GRID2: variants seen among roughly 807,000 people sequenced by gnomAD.
The protein encoded by GRID2 is glutamate ionotropic receptor delta type subunit 2, also known as glutamate receptor ionotropic, delta-2.
In GRID2, 33 loss-of-function variants were observed where a neutral mutation model predicts 114.8. That is an observed-to-expected ratio of 0.29 (90% CI 0.22 to 0.38). The LOEUF is 0.38. GRID2 is among the 10% of genes least tolerant of loss of function. GRID2 has a pLI of 1.00. For missense variants in GRID2, 1,184 were observed against 1,257.7 expected (o/e 0.94, Z 0.89); for synonymous variants, 505 against 449.9 (o/e 1.12, Z -1.55).
At chr4:92,782,401 T>A (rs918293143) in intron 2 of GRID2, among the ~76,000 whole-genome samples, 3 of 152,118 alleles carry the variant, frequency 2.0e-5, no homozygotes, top group Non-Finnish European at 4.4e-5. Flanking sequence ...TTTTACAAAA[T>A]CAAGATGATT....
chr4:93,781,049 A>G (rs1734468864), intron 1 of GRID2, among the ~76,000 whole-genome samples: 1 of 152,230 alleles, frequency 6.6e-6, no homozygotes, highest in African/African-American at 2.4e-5. Context: ...AAGATGATCG[A>G]TTTCTCAAAT....
At position 93,163,397 on chromosome 4, in the gene GRID2, T is replaced by C. The variant is rs1185267957; in HGVS notation, c.736-44007T>C. On this transcript the variant is annotated intron_variant, in intron 4 of 15. Coordinates refer to ENST00000282020, the MANE Select transcript of GRID2 (RefSeq NM_001510.4). ...ATATATATATATATATATATATATA[T>C]ATACACTATATATATACATACATGT... Among the ~76,000 whole-genome samples, 343 of 40,574 alleles carry C rather than the reference T, an allele frequency of 8.5e-3. 6 individuals are homozygous for C. Among genetic ancestry groups the C allele is most frequent in the Admixed American group, 0.016 (35 of 2,240 alleles). 26.6% of individuals were successfully genotyped at this position (40,574 alleles called of 152,430 possible). A position where few individuals can be genotyped will look rare whatever the true frequency, so the allele number is the denominator to read the frequency against.
intron 8 of GRID2, among the ~76,000 whole-genome samples, chr4:93,389,296 A>G (rs992798831): frequency 6.6e-6 from 1 of 152,170 alleles, no homozygotes; most frequent in Non-Finnish European, 1.5e-5. Context: ...TAATAATTAA[A>G]TGCTAAAATA....
chr4:93,073,560 T>C (rs1412642764), intron 2 of GRID2, among the ~76,000 whole-genome samples: 4 of 152,020 alleles, frequency 2.6e-5, no homozygotes, highest in African/African-American at 9.7e-5. Context: ...ACTGTGGGGG[T>C]TGACACTTCT....
chr4:92,901,062 T>C lies in GRID2; in HGVS notation c.245-183933T>C, dbSNP rs547238649. Among the ~76,000 whole-genome samples the C allele has an allele frequency of 2.6e-5, 4 of 152,224 alleles. No homozygotes were observed. In the South Asian group the frequency reaches 8.3e-4, roughly 32 times the overall value. On this transcript the variant is annotated intron_variant, in intron 2 of 15. Transcript: ENST00000282020. ...GTGAATGCAGGTATATTTTATACAA[T>C]AATTTTTTTTAGCGGGGGGATTAGA...
intron 3 of GRID2, among the ~76,000 whole-genome samples, chr4:93,093,721 C>T (rs1397397976): frequency 6.6e-6 from 1 of 151,918 alleles, no homozygotes; most frequent in Non-Finnish European, 1.5e-5. Flanking sequence ...CCGACAAAGC[C>T]ATAGAAGTCT....
chr4:92,676,620 G>A (rs1323147777), intron 2 of GRID2, among the ~76,000 whole-genome samples: 1 of 152,004 alleles, frequency 6.6e-6, no homozygotes, highest in Non-Finnish European at 1.5e-5. Context: ...ACATTGCCAT[G>A]TCCTCTGTAA....
At chr4:93,005,578 A>G (rs1318262026) in intron 2 of GRID2, among the ~76,000 whole-genome samples, 1 of 152,124 alleles carries the variant, frequency 6.6e-6, no homozygotes, top group Non-Finnish European at 1.5e-5. Context: ...GAAAACAGGT[A>G]TGCAAATAAA....
chr4:92,886,657 G>A (rs1431064460), intron 2 of GRID2, among the ~76,000 whole-genome samples: 3 of 151,374 alleles, frequency 2.0e-5, no homozygotes, highest in Non-Finnish European at 4.4e-5. Flanking sequence ...ACGGAGTCTC[G>A]CTCTTTCGCC....
At chr4:92,646,767 G>A (rs1361368588) in intron 2 of GRID2, among the ~76,000 whole-genome samples, 6 of 152,148 alleles carry the variant, frequency 3.9e-5, no homozygotes, top group South Asian at 2.1e-4. Flanking sequence ...TTTTAAAATT[G>A]CACCCATTTT....
At chr4:92,617,795 TTA>T (rs1229298855) in intron 2 of GRID2, among the ~76,000 whole-genome samples, 4 of 151,818 alleles carry the variant, frequency 2.6e-5, no homozygotes, top group African/African-American at 9.7e-5. Flanking sequence ...TGCTAGACAT[TTA>T]TATGTCTTCT....
intron 8 of GRID2, among the ~76,000 whole-genome samples, chr4:93,239,292 T>G (rs2149513777): frequency 6.7e-6 from 1 of 150,022 alleles, no homozygotes; most frequent in South Asian, 2.1e-4. Context: ...AAATCATATG[T>G]ATATATACAC....
intron 9 of GRID2, 54 bp downstream of exon 9, chr4:93,395,762 T>C (rs945675274): frequency 9.1e-6 from 7 of 765,376 alleles, no homozygotes; most frequent in Non-Finnish European, 1.6e-5. Flanking sequence ...CTTTATCCTA[T>C]ATTTCTTTCT....
chr4:92,372,616 C>T (rs1560592274), intron 1 of GRID2, among the ~76,000 whole-genome samples: 1 of 152,072 alleles, frequency 6.6e-6, no homozygotes, highest in Non-Finnish European at 1.5e-5. Flanking sequence ...AAACCTAAAA[C>T]TTTGTGTGAC....
At chr4:92,743,997 AT>A (rs1340989587) in intron 2 of GRID2, among the ~76,000 whole-genome samples, 6 of 151,456 alleles carry the variant, frequency 4.0e-5, no homozygotes, top group South Asian at 2.1e-4. Context: ...TCCTTCACTT[AT>A]TTTTTTTCTT....
chr4:92,592,656 G>A (rs1395919553), intron 2 of GRID2, among the ~76,000 whole-genome samples: 1 of 152,076 alleles, frequency 6.6e-6, no homozygotes, highest in Non-Finnish European at 1.5e-5. Flanking sequence ...CAGTTTGCCT[G>A]ATGGTTTCTG....
At chr4:92,739,903 A>G (rs1266214770) in intron 2 of GRID2, among the ~76,000 whole-genome samples, 1 of 152,144 alleles carries the variant, frequency 6.6e-6, no homozygotes, top group East Asian at 1.9e-4. Flanking sequence ...AGAATAATCA[A>G]TCCAATTAAG....
intron 8 of GRID2, among the ~76,000 whole-genome samples, chr4:93,289,132 T>C (rs1375696931): frequency 1.3e-5 from 2 of 152,218 alleles, no homozygotes; most frequent in Non-Finnish European, 2.9e-5. Context: ...TTGTTGATGA[T>C]CCTGCAGTGT....
At chr4:93,121,682 A>T (rs553813637) in intron 4 of GRID2, among the ~76,000 whole-genome samples, 1 of 152,172 alleles carries the variant, frequency 6.6e-6, no homozygotes, top group African/African-American at 2.4e-5. Context: ...AGGAGTACGC[A>T]TAAGGCATGT....
Sources: allele counts gnomAD v4.1 joint callset (sites outside exome capture counted in the v4.1 genomes callset), GRCh38; gene constraint gnomAD v4.1.1; transcripts MANE v1.5; gene names NCBI Gene and HGNC (gene_info 2026-07-23, HGNC 2026-07-21).